The following RBMS2 variants were observed in gnomAD, a reference collection of about 807,000 sequenced individuals.
RBMS2 encodes RNA-binding motif, single-stranded-interacting protein 2.
Under a neutral mutation model 58.4 loss-of-function variants are expected in RBMS2, and 38 were observed. That is an observed-to-expected ratio of 0.65 (90% CI 0.50 to 0.85). The LOEUF is 0.85. Ranked by LOEUF, RBMS2 falls within the 40% of genes least tolerant of loss-of-function variation. RBMS2 has a pLI of 0.00. For missense variants in RBMS2, 367 were observed against 503.7 expected (o/e 0.73, Z 2.60); for synonymous variants, 151 against 180.7 (o/e 0.84, Z 1.32).
At chr12:56,525,520 C>CATAT (rs558240711) in intron 1 of RBMS2, among the ~76,000 whole-genome samples, 33 of 152,072 alleles carry the variant, frequency 2.2e-4, no homozygotes, top group Middle Eastern at 3.4e-3. Context: ...CTGTCTGGCC[C>CATAT]ATTTATTTAT....
rs372084667 is a variant in RBMS2, at chr12:56,544,241, A to G, written c.67-18176A>G. ...CAATGAGCCGAGATCATACCACTGC[A>G]CTCCAGCCTGGGCAACAGAGCGGGA... On this transcript the variant is annotated intron_variant, in intron 1 of 13. Transcript: ENST00000262031. Among the ~76,000 whole-genome samples, 63 of 151,950 alleles carry G rather than the reference A, an allele frequency of 4.1e-4. 1 individual carries two copies. The highest frequency in any genetic ancestry group is 1.4e-3 in the African/African-American group (60 of 41,492).
At chr12:56,578,121 G>A (rs1883406660) in intron 5 of RBMS2, among the ~76,000 whole-genome samples, 1 of 151,276 alleles carries the variant, frequency 6.6e-6, no homozygotes, top group Admixed American at 6.6e-5. Context: ...ACTGTTCCTG[G>A]CCCAAATTTT....
intron 2 of RBMS2, among the ~76,000 whole-genome samples, chr12:56,568,236 T>C (rs1881697445): frequency 6.6e-6 from 1 of 152,150 alleles, no homozygotes; most frequent in Non-Finnish European, 1.5e-5. Context: ...AAAATGTCTA[T>C]AGTTTTTTCA....
intron 2 of RBMS2, among the ~76,000 whole-genome samples, chr12:56,564,023 C>T (rs1880894241): frequency 6.6e-6 from 1 of 151,896 alleles, no homozygotes; most frequent in Admixed American, 6.6e-5. Flanking sequence ...TCTCTCACAT[C>T]ACAAGACAGA....
rs1885779825 is a variant in RBMS2, at chr12:56,596,039, T to TTTTC, written c.*6910_*6913dup. The TTTTC allele has an allele frequency of 6.6e-6, 1 of 152,624 alleles. No homozygotes were observed. The highest frequency in any genetic ancestry group is 1.5e-5 in the Non-Finnish European group (1 of 67,996). 9.5% of individuals were successfully genotyped at this position (152,624 alleles called of 1,614,324 possible). A position where few individuals can be genotyped will look rare whatever the true frequency, so the allele number is the denominator to read the frequency against. Reference sequence around the variant, plus strand: ...CAGGAGTTTTTTCGCTAGACTTTTTTTTTCTTTTTAACCTTATTAAAAATG... The same window carrying TTTTC: ...CAGGAGTTTTTTCGCTAGACTTTTTTTTTCTTTCTTTTTAACCTTATTAAAAATG... On this transcript the variant is annotated 3_prime_UTR_variant, in exon 14 of 14. Coordinates refer to ENST00000262031, the MANE Select transcript of RBMS2 (RefSeq NM_002898.4).
intron 1 of RBMS2, among the ~76,000 whole-genome samples, chr12:56,526,632 A>G (rs1287202119): frequency 6.8e-6 from 1 of 148,132 alleles, no homozygotes; most frequent in Non-Finnish European, 1.5e-5. Flanking sequence ...TTTTTTTTAA[A>G]CATCAGTTTT....
chr12:56,539,398 A>G (rs1326201229), intron 1 of RBMS2, among the ~76,000 whole-genome samples: 1 of 152,138 alleles, frequency 6.6e-6, no homozygotes, highest in Non-Finnish European at 1.5e-5. Context: ...GAGGGTAAAG[A>G]TTTATTTCTC....
At chr12:56,560,592 G>GTTATA (rs1880222537) in intron 1 of RBMS2, among the ~76,000 whole-genome samples, 1 of 151,246 alleles carries the variant, frequency 6.6e-6, no homozygotes, top group Non-Finnish European at 1.5e-5. Context: ...ATGGGGTCTT[G>GTTATA]TTATATTGCC....
At chr12:56,572,960 C>G (rs1449611119) in intron 5 of RBMS2, 1 of 983,232 alleles carries the variant, frequency 1.0e-6, no homozygotes, top group East Asian at 1.1e-4. Flanking sequence ...GGTATCTGCC[C>G]TCACTGTCGT....
In RBMS2 at chr12:56,587,914, A is replaced by G. The variant is rs2030909; in HGVS notation, c.1062+250A>G. Among the ~76,000 whole-genome samples, 12,452 of 152,148 alleles carry G rather than the reference A, an allele frequency of 0.082. 1,076 individuals are homozygous for G. The highest frequency in any genetic ancestry group is 0.22 in the African/African-American group (8,925 of 41,464). On this transcript the variant is annotated intron_variant, in intron 11 of 13. Transcript: ENST00000262031. ...TTGTGAATAGTGCTTCTGTCTGCAT[A>G]TTAGTTTAAGATACACACACGTCCT...
At chr12:56,524,630 G>A (rs1872323290) in intron 1 of RBMS2, among the ~76,000 whole-genome samples, 1 of 151,968 alleles carries the variant, frequency 6.6e-6, no homozygotes, top group African/African-American at 2.4e-5. Flanking sequence ...GGCCAGGCTG[G>A]TCTCAAACTC....
intron 11 of RBMS2, 48 bp from the exon 12 acceptor site, chr12:56,588,246 T>G: frequency 6.7e-7 from 1 of 1,495,604 alleles, no homozygotes; most frequent in Non-Finnish European, 9.3e-7. Flanking sequence ...CTGCTTCAAA[T>G]GTAGCCAAAA....
At chr12:56,542,869 C>T (rs1457020210) in intron 1 of RBMS2, among the ~76,000 whole-genome samples, 1 of 150,898 alleles carries the variant, frequency 6.6e-6, no homozygotes, top group African/African-American at 2.4e-5. Context: ...ATTTTTTAAC[C>T]ATCCCATATT....
chr12:56,536,058 G>C (rs1243592930), intron 1 of RBMS2, among the ~76,000 whole-genome samples: 1 of 151,778 alleles, frequency 6.6e-6, no homozygotes, highest in Non-Finnish European at 1.5e-5. Flanking sequence ...AAAATTAGCT[G>C]GGCGTGGTGG....
intron 5 of RBMS2, among the ~76,000 whole-genome samples, chr12:56,577,146 G>A (rs1054029013): frequency 5.4e-5 from 8 of 148,758 alleles, no homozygotes; most frequent in African/African-American, 1.2e-4. Context: ...GCTCACGCCC[G>A]TAAGCCCAGC....
At chr12:56,589,061 G>C (rs771010793) in intron 13 of RBMS2, 43 bp downstream of exon 13, 1 of 1,613,390 alleles carries the variant, frequency 6.2e-7, no homozygotes, top group Non-Finnish European at 8.5e-7. Flanking sequence ...TGCACTGGCA[G>C]ACAGCAGCTC....
intron 1 of RBMS2, among the ~76,000 whole-genome samples, chr12:56,552,192 C>T (rs1308717935): frequency 6.6e-6 from 1 of 152,162 alleles, no homozygotes; most frequent in Admixed American, 6.5e-5. Context: ...TTAAAAAGTT[C>T]TAGTATTTCA....
intron 1 of RBMS2, among the ~76,000 whole-genome samples, chr12:56,535,274 T>A (rs1874555653): frequency 6.6e-6 from 1 of 151,954 alleles, no homozygotes; most frequent in Non-Finnish European, 1.5e-5. Context: ...GTGAGCAGAT[T>A]GCTTGAGCTC....
chr12:56,562,641 C>A, intron 2 of RBMS2, 58 bp downstream of exon 2: 1 of 1,532,264 alleles, frequency 6.5e-7, no homozygotes, highest in Non-Finnish European at 9.0e-7. Context: ...GGTTTTGAGA[C>A]AGGGTCTCGT....
Sources: allele counts gnomAD v4.1 joint callset (sites outside exome capture counted in the v4.1 genomes callset), GRCh38; gene constraint gnomAD v4.1.1; transcripts MANE v1.5; gene names NCBI Gene and HGNC (gene_info 2026-07-23, HGNC 2026-07-21).